GALNT13: variants seen among roughly 807,000 people sequenced by gnomAD.
GALNT13 encodes the protein UDP-GalNAc:polypeptide N-acetylgalactosaminyltransferase 13.
GALNT13 carries 28 observed loss-of-function variants against 64.2 expected under a neutral mutation model. The ratio of observed to expected loss-of-function variants is 0.44; its 90% CI spans 0.32 to 0.60. The LOEUF is 0.60. Ranked by LOEUF, GALNT13 falls within the 20% of genes least tolerant of loss-of-function variation. GALNT13 has a pLI of 0.05. For synonymous variants in GALNT13, 214 were observed against 224.6 expected (o/e 0.95, Z 0.42); for missense variants, 577 against 669.8 (o/e 0.86, Z 1.53).
chr2:154,278,083 C>T (rs1024162399), intron 8 of GALNT13, among the ~76,000 whole-genome samples: 1 of 152,084 alleles, frequency 6.6e-6, no homozygotes, highest in African/African-American at 2.4e-5. Context: ...CAACCAAATT[C>T]TATATTTACT....
At chr2:153,947,006 TA>T (rs908906685) in intron 3 of GALNT13, among the ~76,000 whole-genome samples, 19 of 151,990 alleles carry the variant, frequency 1.3e-4, no homozygotes, top group Admixed American at 6.6e-4. Flanking sequence ...CTTTTTTACT[TA>T]AAAAAAGATC....
chr2:154,017,565 A>G (rs575963863), intron 3 of GALNT13, among the ~76,000 whole-genome samples: 1 of 152,338 alleles, frequency 6.6e-6, no homozygotes, highest in Admixed American at 6.5e-5. Flanking sequence ...AGAAATTTAC[A>G]TATTTTCCCA....
the GALNT13 span, among the ~76,000 whole-genome samples, chr2:153,789,191 C>T: frequency 1.6e-4 from 25 of 152,088 alleles, no homozygotes; most frequent in South Asian, 3.3e-3. Flanking sequence ...ATTGACCACA[C>T]GCTGAAACAT....
At chr2:153,079,430 C>G in the GALNT13 span, among the ~76,000 whole-genome samples, 1 of 151,946 alleles carries the variant, frequency 6.6e-6, no homozygotes, top group Non-Finnish European at 1.5e-5. Flanking sequence ...GATTTTTTTT[C>G]TTTGGATTGG....
the GALNT13 span, among the ~76,000 whole-genome samples, chr2:153,820,855 T>G: frequency 6.6e-6 from 1 of 152,022 alleles, no homozygotes; most frequent in Non-Finnish European, 1.5e-5. Context: ...ATCAAAACCT[T>G]ACATATCAAT....
chr2:154,356,561 A>G (rs555796881), intron 9 of GALNT13, among the ~76,000 whole-genome samples: 2 of 152,116 alleles, frequency 1.3e-5, no homozygotes, highest in African/African-American at 2.4e-5. Flanking sequence ...CATTTACACT[A>G]AATTATTCTA....
chr2:153,564,819 T>C, the GALNT13 span, among the ~76,000 whole-genome samples: 2 of 152,294 alleles, frequency 1.3e-5, no homozygotes, highest in Admixed American at 6.5e-5. Flanking sequence ...GCAAAAGTAA[T>C]GGAATGTTGT....
intron 11 of GALNT13, among the ~76,000 whole-genome samples, chr2:154,410,130 G>A (rs1269712898): frequency 6.6e-6 from 1 of 151,844 alleles, no homozygotes; most frequent in Admixed American, 6.6e-5. Flanking sequence ...CCTTATGGAG[G>A]AAGAGGATAG....
the GALNT13 span, among the ~76,000 whole-genome samples, chr2:153,648,950 G>A: frequency 2.6e-5 from 4 of 152,196 alleles, no homozygotes; most frequent in South Asian, 6.2e-4. Flanking sequence ...TCTCTGCCAG[G>A]CTTTGGTATC....
chr2:153,860,403 T>C, the GALNT13 span, among the ~76,000 whole-genome samples: 1 of 152,252 alleles, frequency 6.6e-6, no homozygotes, highest in African/African-American at 2.4e-5. Flanking sequence ...GGATAGAGGA[T>C]ATAGTTGCTT....
chr2:153,323,410 T>C, the GALNT13 span, among the ~76,000 whole-genome samples: 1 of 152,182 alleles, frequency 6.6e-6, no homozygotes, highest in Admixed American at 6.5e-5. Flanking sequence ...GATGAATAGA[T>C]TGCAAAATTT....
the GALNT13 span, among the ~76,000 whole-genome samples, chr2:153,366,889 T>G: frequency 6.6e-6 from 1 of 151,980 alleles, no homozygotes; most frequent in Non-Finnish European, 1.5e-5. Context: ...GGTAAACTTC[T>G]CTTAAGAAAT....
At chr2:153,845,564 T>G in the GALNT13 span, among the ~76,000 whole-genome samples, 4 of 152,218 alleles carry the variant, frequency 2.6e-5, no homozygotes, top group South Asian at 2.1e-4. Context: ...AGACCCCACC[T>G]GGTGATTTTA....
At chr2:154,113,350 C>T (rs2105496150) in intron 3 of GALNT13, among the ~76,000 whole-genome samples, 1 of 152,312 alleles carries the variant, frequency 6.6e-6, no homozygotes, top group South Asian at 2.1e-4. Context: ...TGTTGCGGAG[C>T]CTTCTCCGCC....
chr2:153,815,055 A>G, the GALNT13 span, among the ~76,000 whole-genome samples: 3 of 152,324 alleles, frequency 2.0e-5, no homozygotes, highest in Admixed American at 2.0e-4. Context: ...AAATACAGCT[A>G]AAATATTCTC....
intron 3 of GALNT13, among the ~76,000 whole-genome samples, chr2:154,044,905 C>T (rs1359455839): frequency 1.3e-5 from 2 of 152,030 alleles, no homozygotes; most frequent in Non-Finnish European, 2.9e-5. Flanking sequence ...TAGTCAGGTC[C>T]AGCCTTGGTG....
chr2:154,260,471 T>C (rs551371105), intron 8 of GALNT13, among the ~76,000 whole-genome samples: 3 of 152,298 alleles, frequency 2.0e-5, no homozygotes, highest in African/African-American at 7.2e-5. Flanking sequence ...TATATTACTA[T>C]TTTGCCTGTA....
At chr2:153,109,532 G>A in the GALNT13 span, among the ~76,000 whole-genome samples, 1 of 152,138 alleles carries the variant, frequency 6.6e-6, no homozygotes. Flanking sequence ...AGTTCTACTA[G>A]TAGTAGAAAA....
the GALNT13 span, among the ~76,000 whole-genome samples, chr2:153,375,961 G>T: frequency 6.6e-6 from 1 of 152,042 alleles, no homozygotes; most frequent in Admixed American, 6.6e-5. Flanking sequence ...CTGATATTGG[G>T]GCTGGCCTGG....
Sources: allele counts gnomAD v4.1 joint callset (sites outside exome capture counted in the v4.1 genomes callset), GRCh38; gene constraint gnomAD v4.1.1; transcripts MANE v1.5; gene names NCBI Gene and HGNC (gene_info 2026-07-23, HGNC 2026-07-21).